The following SMG1 variants were observed in gnomAD, a reference collection of about 807,000 sequenced individuals.
SMG1 encodes the protein SMG1 nonsense mediated mRNA decay associated PI3K related kinase, also known as serine/threonine-protein kinase SMG1.
A neutral mutation model predicts 419.9 loss-of-function variants in SMG1; 22 were observed. That is an observed-to-expected ratio of 0.05 (90% CI 0.04 to 0.07). The LOEUF (loss-of-function observed/expected upper bound fraction) is 0.07. SMG1 is among the 10% of genes least tolerant of loss of function. The pLI is 1.00. For missense variants in SMG1, 3,185 were observed against 4,342.0 expected, an observed-to-expected ratio of 0.73 and a Z score of 7.49; for synonymous variants, 1,538 against 1,553.5, an observed-to-expected ratio of 0.99 and a Z score of 0.23.
At position 18,838,106 on chromosome 16, in the gene SMG1, C is replaced by G. The variant is rs766029623; in HGVS notation, c.7321G>C (p.Gly2441Arg). The G allele has an allele frequency of 6.2e-7, 1 of 1,613,990 alleles. No homozygotes were observed. The highest frequency in any genetic ancestry group is 8.5e-7 in the Non-Finnish European group (1 of 1,179,898). ...AGFAGAVYGG[G>R]GQQAESKQSK... Reference sequence around the variant, plus strand: ...TGCTTGCTCTCGGCCTGCTGGCCACCTCCACCATAGACAGCACCAGCAAAC... The same window carrying G: ...TGCTTGCTCTCGGCCTGCTGGCCACGTCCACCATAGACAGCACCAGCAAAC... Residue 2441 changes from glycine to arginine, a missense_variant, in exon 45 of 63, where the codon GGT (glycine) becomes CGT (arginine). By Grantham distance (125) the Gly-to-Arg change is moderately radical. This residue lies in a region of SMG1 where 412 missense variants were observed against 546.6 expected (regional missense o/e 0.75). Coordinates refer to ENST00000446231, the MANE Select transcript of SMG1 (RefSeq NM_015092.5).
chr16:18,894,964 C>G (rs2037053924), intron 3 of SMG1, among the ~76,000 whole-genome samples: 1 of 151,884 alleles, frequency 6.6e-6, no homozygotes, highest in South Asian at 2.1e-4. Context: ...GCTACAGGCG[C>G]CCACCACCGC....
rs373105147 is a variant in SMG1, at chr16:18,890,858, C to T, written c.608+5G>A. The stretch of plus-strand genomic sequence containing the variant: ...ATTTAAACTGAACCATTATTAGTTA[C>T]TTACCTTTCATTAAGCACGTCATGT... On this transcript the variant is annotated splice_donor_5th_base_variant and intron_variant, in intron 5 of 62. Coordinates refer to ENST00000446231, the MANE Select transcript of SMG1 (RefSeq NM_015092.5). 1.6e-5 allele frequency: 24 copies of T among 1,541,370 alleles called. No individual in the cohort carries two copies. Among genetic ancestry groups the T allele is most frequent in the Admixed American group, 5.0e-5 (3 of 59,860 alleles).
At chr16:18,834,819 T>C (rs1555489018) in intron 49 of SMG1, 73 bp downstream of exon 49, 3 of 1,498,166 alleles carry the variant, frequency 2.0e-6, no homozygotes, top group East Asian at 4.5e-5. Context: ...CTAAGGAAAG[T>C]AAAAGAACAT....
chr16:18,829,996 G>A lies in SMG1; in HGVS notation c.9063C>T (p.Phe3021=). The A allele has an allele frequency of 1.9e-6, 3 of 1,590,328 alleles. No individual in the cohort carries two copies. The highest frequency in any genetic ancestry group is 1.7e-6 in the Non-Finnish European group (2 of 1,167,932). The change falls in exon 53 of 63, where the codon TTC becomes TTT. Residue 3021 remains phenylalanine, a synonymous_variant. Transcript: ENST00000446231. Reference sequence around the variant, plus strand: ...TAATAGTCTGTAGTCTTTTTAGAAAGAAAATCTCTTCTAGCACCTGCCGGT... The same window carrying A: ...TAATAGTCTGTAGTCTTTTTAGAAAAAAAATCTCTTCTAGCACCTGCCGGT... The part of the protein sequence containing the change: ...DNHRQVLEEI[F]FLKRLQTIKE...
At chr16:18,839,116 G>A (rs1157003257) in intron 42 of SMG1, among the ~76,000 whole-genome samples, 2 of 152,020 alleles carry the variant, frequency 1.3e-5, no homozygotes, top group Non-Finnish European at 2.9e-5. Context: ...AAAGTGCTGG[G>A]ATTACAGATG....
chr16:18,858,874 A>C, intron 28 of SMG1, 148 bp downstream of exon 28: 1 of 617,470 alleles, frequency 1.6e-6, no homozygotes, highest in Non-Finnish European at 2.7e-6. Flanking sequence ...TCAAATGAAA[A>C]ACTGCCTGAA....
intron 1 of SMG1, among the ~76,000 whole-genome samples, chr16:18,913,855 T>C (rs929185875): frequency 1.3e-5 from 2 of 151,960 alleles, no homozygotes; most frequent in African/African-American, 4.8e-5. Flanking sequence ...AAAAACAATC[T>C]ATAATTCTGG....
chr16:18,882,401 A>C (rs996940821), intron 9 of SMG1, 63 bp from the exon 10 acceptor site: 48 of 884,800 alleles, frequency 5.4e-5, no homozygotes, highest in East Asian at 3.0e-4. Flanking sequence ...AAAAAAAAAA[A>C]CTCTAAAATA....
At chr16:18,882,068 T>C in intron 10 of SMG1, 97 bp downstream of exon 10, 2 of 808,398 alleles carry the variant, frequency 2.5e-6, no homozygotes, top group South Asian at 4.9e-5. Flanking sequence ...GCTAAACAAA[T>C]GAAGGATTAA....
chr16:18,923,040 A>G (rs548223334), intron 1 of SMG1, among the ~76,000 whole-genome samples: 43 of 152,262 alleles, frequency 2.8e-4, no homozygotes, highest in Middle Eastern at 3.4e-3. Flanking sequence ...TATCTGTGCC[A>G]CTGCACTCCA....
intron 39 of SMG1, among the ~76,000 whole-genome samples, chr16:18,844,278 A>G (rs1267120239): frequency 6.6e-6 from 1 of 151,822 alleles, no homozygotes; most frequent in East Asian, 1.9e-4. Context: ...AAAGTACAAA[A>G]ATTAGCCAAG....
chr16:18,827,951 A>C (rs932734312), intron 55 of SMG1, 80 bp downstream of exon 55: 2 of 1,471,424 alleles, frequency 1.4e-6, no homozygotes, highest in Non-Finnish European at 9.3e-7. Context: ...AGACACACTG[A>C]ACAACAGAGC....
chr16:18,912,417 A>G (rs1414531854), intron 1 of SMG1, among the ~76,000 whole-genome samples: 1 of 152,076 alleles, frequency 6.6e-6, no homozygotes, highest in African/African-American at 2.4e-5. Context: ...TATGTTAATT[A>G]GCATGATTTA....
At chr16:18,815,691 G>A (rs1374851179) in intron 58 of SMG1, 40 bp from the exon 59 acceptor site, 1 of 1,554,926 alleles carries the variant, frequency 6.4e-7, no homozygotes, top group South Asian at 1.1e-5. Context: ...AATAGTTTTA[G>A]TATCAGTAAT....
intron 19 of SMG1, 89 bp from the exon 20 acceptor site, chr16:18,869,392 C>T (rs1255740277): frequency 1.7e-6 from 2 of 1,163,642 alleles, no homozygotes; most frequent in South Asian, 1.4e-5. Flanking sequence ...GAATAAGGAA[C>T]TGTAATTTTC....
chr16:18,827,849 T>C (rs12445837), intron 55 of SMG1, among the ~76,000 whole-genome samples, 182 bp downstream of exon 55: 2 of 117,870 alleles, frequency 1.7e-5, no homozygotes, highest in South Asian at 6.2e-4. Flanking sequence ...CTTTGGTATA[T>C]ATATACCTAT....
At chr16:18,891,274 T>C (rs1172194830) in intron 4 of SMG1, among the ~76,000 whole-genome samples, 2 of 152,216 alleles carry the variant, frequency 1.3e-5, no homozygotes, top group Admixed American at 6.5e-5. Flanking sequence ...CGACAAAAAT[T>C]AGATGACGGG....
intron 13 of SMG1, chr16:18,875,122 ATGCAATATTTTAAATAATTTTG>A (rs2036051596): frequency 6.6e-6 from 1 of 152,508 alleles, no homozygotes; most frequent in African/African-American, 2.4e-5. Flanking sequence ...AGGTCATTTT[ATGCAATATTTTAAATAATTTTG>A]TGCATACAAC....
intron 56 of SMG1, among the ~76,000 whole-genome samples, chr16:18,817,747 C>T (rs1029550670): frequency 6.6e-6 from 1 of 152,226 alleles, no homozygotes; most frequent in South Asian, 2.1e-4. Context: ...AATATTTACT[C>T]CACAATAAAG....
Sources: allele counts gnomAD v4.1 joint callset (sites outside exome capture counted in the v4.1 genomes callset), GRCh38; gene constraint gnomAD v4.1.1; regional missense constraint gnomAD v4.1.1; transcripts MANE v1.5; gene names NCBI Gene and HGNC (gene_info 2026-07-23, HGNC 2026-07-21).